The following MYO5A variants were observed in gnomAD, a reference collection of about 807,000 sequenced individuals.
MYO5A encodes unconventional myosin-Va.
In MYO5A, 98 loss-of-function variants were observed where a neutral mutation model predicts 249.7. The observed-to-expected ratio is 0.39, with a 90% CI of 0.33 to 0.46. The LOEUF is 0.46. Ranked by LOEUF, MYO5A falls within the 20% of genes least tolerant of loss-of-function variation. MYO5A has a pLI of 0.98. For synonymous variants in MYO5A, 778 were observed against 810.6 expected, an observed-to-expected ratio of 0.96 and a Z score of 0.68; for missense variants, 1,696 against 2,308.8, an observed-to-expected ratio of 0.73 and a Z score of 5.44.
chr15:52,333,712 G>T (rs2038991150), intron 34 of MYO5A, among the ~76,000 whole-genome samples: 1 of 152,066 alleles, frequency 6.6e-6, no homozygotes, highest in Non-Finnish European at 1.5e-5. Flanking sequence ...AAGTCTGTTG[G>T]CTTTTTAAAA....
chr15:52,431,248 T>G (rs1390114961), intron 2 of MYO5A, among the ~76,000 whole-genome samples: 6 of 8,864 alleles, frequency 6.8e-4, no homozygotes, highest in African/African-American at 1.4e-3. Context: ...AAAAAAAAAG[T>G]CTAGTGCAGT....
At chr15:52,475,772 T>G (rs1595753505) in intron 1 of MYO5A, among the ~76,000 whole-genome samples, 1 of 152,212 alleles carries the variant, frequency 6.6e-6, no homozygotes, top group South Asian at 2.1e-4. Context: ...ATAATTTCTA[T>G]TCTTTTACAT....
intron 4 of MYO5A, among the ~76,000 whole-genome samples, chr15:52,424,613 A>T (rs903746398): frequency 2.0e-5 from 3 of 152,182 alleles, no homozygotes; most frequent in African/African-American, 7.2e-5. Context: ...ATTCTGTCAC[A>T]TGCTGGACCA....
At chr15:52,316,528 G>A (rs1257773666) in intron 40 of MYO5A, among the ~76,000 whole-genome samples, 6 of 152,186 alleles carry the variant, frequency 3.9e-5, no homozygotes, top group Non-Finnish European at 8.8e-5. Flanking sequence ...CTACTGAACT[G>A]TAAGCTCCTT....
intron 6 of MYO5A, 36 bp downstream of exon 6, chr15:52,410,297 C>G (rs2043193295): frequency 6.3e-7 from 1 of 1,595,138 alleles, no homozygotes; most frequent in Admixed American, 1.7e-5. Flanking sequence ...ATACAGCAAT[C>G]TAACACAAGT....
At chr15:52,350,759 G>A (rs868276086) in intron 28 of MYO5A, among the ~76,000 whole-genome samples, 2 of 152,234 alleles carry the variant, frequency 1.3e-5, no homozygotes, top group Non-Finnish European at 2.9e-5. Context: ...CCCTCCCACT[G>A]GGACATCACC....
At chr15:52,317,303 G>A (rs1349847527) in intron 39 of MYO5A, 81 bp from the exon 40 acceptor site, 1 of 1,372,862 alleles carries the variant, frequency 7.3e-7, no homozygotes, top group East Asian at 2.3e-5. Flanking sequence ...GTGCGGCCTT[G>A]TCAGGATTTA....
intron 1 of MYO5A, among the ~76,000 whole-genome samples, chr15:52,513,013 G>GA (rs375470412): frequency 2.9e-4 from 41 of 140,688 alleles, no homozygotes; most frequent in South Asian, 9.0e-4. Context: ...GTCTCCACAG[G>GA]AAAAAAAAAA....
At chr15:52,506,047 C>A (rs1226219844) in intron 1 of MYO5A, among the ~76,000 whole-genome samples, 2 of 151,716 alleles carry the variant, frequency 1.3e-5, no homozygotes, top group Non-Finnish European at 2.9e-5. Flanking sequence ...AACCCTCTCT[C>A]TACTAAAAAA....
chr15:52,398,926 T>A (rs1387632291), intron 9 of MYO5A, among the ~76,000 whole-genome samples: 3 of 151,518 alleles, frequency 2.0e-5, no homozygotes, highest in African/African-American at 7.3e-5. Context: ...GAGGTGGAGG[T>A]TGCAGTGAGC....
chr15:52,491,566 T>C (rs1450284976), intron 1 of MYO5A, among the ~76,000 whole-genome samples: 2 of 152,192 alleles, frequency 1.3e-5, no homozygotes, highest in East Asian at 1.9e-4. Context: ...CACTAAGCCA[T>C]GTATTTTTTA....
At chr15:52,497,424 GATAA>G (rs71130165) in intron 1 of MYO5A, among the ~76,000 whole-genome samples, 50 of 147,426 alleles carry the variant, frequency 3.4e-4, no homozygotes, top group African/African-American at 4.7e-4. Context: ...TAAATAAATA[GATAA>G]ATAAATAAAT....
chr15:52,406,453 TAG>T (rs1297447628), intron 8 of MYO5A, among the ~76,000 whole-genome samples: 3 of 152,160 alleles, frequency 2.0e-5, no homozygotes, highest in African/African-American at 7.2e-5. Flanking sequence ...GAATCACCAA[TAG>T]ATTTTGATAA....
chr15:52,388,732 A>T lies in MYO5A; in HGVS notation c.1668+506T>A, dbSNP rs148398637. On this transcript the variant is annotated intron_variant, in intron 13 of 41. Transcript: ENST00000399233. ...CCCAGTGAATCAATTGCAGAGGGTG[A>T]CACAAGTCCACAATTGCTATTCTGA... is the stretch of plus-strand genomic sequence containing the variant. Among the ~76,000 whole-genome samples, 67 of 152,330 alleles carry T rather than the reference A, an allele frequency of 4.4e-4. 1 individual carries two copies. In the East Asian group the frequency reaches 7.1e-3, roughly 16 times the overall value.
At chr15:52,437,522 G>T (rs1329484608) in intron 1 of MYO5A, among the ~76,000 whole-genome samples, 1 of 149,368 alleles carries the variant, frequency 6.7e-6, no homozygotes, top group African/African-American at 2.5e-5. Flanking sequence ...TTGAGCCCAG[G>T]AGGTGGAGGT....
intron 3 of MYO5A, among the ~76,000 whole-genome samples, chr15:52,427,030 A>G (rs1429702340): frequency 6.6e-6 from 1 of 152,190 alleles, no homozygotes; most frequent in African/African-American, 2.4e-5. Flanking sequence ...ACAAAACTAT[A>G]TATAGACTGA....
At chr15:52,507,508 G>A (rs887824969) in intron 1 of MYO5A, among the ~76,000 whole-genome samples, 6 of 152,040 alleles carry the variant, frequency 3.9e-5, no homozygotes, top group African/African-American at 7.2e-5. Flanking sequence ...GTCCTAAAAC[G>A]TTCCAGAAGC....
chr15:52,519,617 A>G (rs1007754589), intron 1 of MYO5A, among the ~76,000 whole-genome samples: 1 of 53,150 alleles, frequency 1.9e-5, no homozygotes. Context: ...GTCTAAAAAA[A>G]ATAATAATAA....
intron 9 of MYO5A, among the ~76,000 whole-genome samples, chr15:52,400,335 G>A (rs992546146): frequency 6.6e-6 from 1 of 152,056 alleles, no homozygotes; most frequent in Non-Finnish European, 1.5e-5. Flanking sequence ...AGGGGGCAGG[G>A]TAGGGGACTG....
Sources: gnomAD v4.1 joint callset for allele counts (sites outside exome capture counted in the v4.1 genomes callset) on GRCh38, gnomAD v4.1.1 for gene constraint, MANE v1.5 for transcripts, NCBI Gene and HGNC (gene_info 2026-07-23, HGNC 2026-07-21) for gene names.